Variants in DCST1 observed in about 807,000 individuals in gnomAD.
The protein encoded by DCST1 is DC-STAMP domain containing 1.
A neutral mutation model predicts 89.1 loss-of-function variants in DCST1; 78 were observed. The ratio of observed to expected loss-of-function variants is 0.88; its 90% CI spans 0.73 to 1.06. DCST1 has a LOEUF of 1.06. Ranked by LOEUF, DCST1 falls within the 50% of genes least tolerant of loss-of-function variation. The pLI is 0.00. For synonymous variants in DCST1, 364 were observed against 371.9 expected, an observed-to-expected ratio of 0.98 and a Z score of 0.24; for missense variants, 900 against 928.6, an observed-to-expected ratio of 0.97 and a Z score of 0.40.
chr1:155,033,838 G>C lies in DCST1; in HGVS notation c.-82G>C. On this transcript the variant is annotated 5_prime_UTR_variant, in exon 1 of 17. Transcript: ENST00000295542. ...TTGGAATCCTTGACCCAGTTCCGAGGACTGGAGAGGGGATAGGTAGGTCTC... is the reference window on the plus strand; with the variant it reads ...TTGGAATCCTTGACCCAGTTCCGAGCACTGGAGAGGGGATAGGTAGGTCTC... The C allele has an allele frequency of 2.2e-6, 3 of 1,361,284 alleles. No homozygotes were observed. Among genetic ancestry groups the C allele is most frequent in the Non-Finnish European group, 3.0e-6 (3 of 998,744 alleles). The allele number at this position is 1,361,284 out of a possible 1,614,324, so 84.3% of individuals were successfully genotyped here. A position where few individuals can be genotyped will look rare whatever the true frequency, so the allele number is the denominator to read the frequency against.
intron 15 of DCST1, 24 bp from the exon 16 acceptor site, chr1:155,048,033 C>G (rs1027271081): frequency 4.3e-6 from 7 of 1,613,528 alleles, no homozygotes; most frequent in Admixed American, 3.3e-5. Flanking sequence ...CTTTCTCTAT[C>G]ATTGACCCCC....
chr1:155,035,912 A>T (rs1328896892), intron 4 of DCST1, among the ~76,000 whole-genome samples: 1 of 152,064 alleles, frequency 6.6e-6, no homozygotes, highest in East Asian at 1.9e-4. Context: ...CCTGGGTGAC[A>T]AGAGCGAAAG....
Position 155,049,476 on chromosome 1 carries a change from G to A in DCST1, c.1870-1141G>A, listed in dbSNP as rs568406123. On this transcript the variant is annotated intron_variant, in intron 16 of 16. Coordinates refer to ENST00000295542, the MANE Select transcript of DCST1 (RefSeq NM_152494.4). The stretch of plus-strand genomic sequence containing the variant: ...GTCGCCCAGGCTGGAGTGCAGTGGC[G>A]TGATCTTGGCTCACTGCAACCTCCA... Among the ~76,000 whole-genome samples, 30 of 151,040 alleles carry A rather than the reference G, an allele frequency of 2.0e-4. 1 individual carries two copies. The South Asian group carries it at 3.5e-3, about 18-fold the overall frequency.
In DCST1 at chr1:155,034,703, A is replaced by G. The variant is rs768377572; in HGVS notation, c.238A>G (p.Ile80Val). The G allele has an allele frequency of 2.2e-5, 36 of 1,614,022 alleles. No homozygotes were observed. In the South Asian group the frequency reaches 4.0e-4, roughly 18 times the overall value. Residue 80 changes from isoleucine to valine, a missense_variant, in exon 4 of 17, where the codon ATT (isoleucine) becomes GTT (valine). Ile to Val is a conservative substitution (Grantham distance 29, BLOSUM62 3). Coordinates refer to ENST00000295542, the MANE Select transcript of DCST1 (RefSeq NM_152494.4). ...NPMNIYEEQK[I>V]MFLYSLVGLG... ...CATGAACATCTACGAAGAACAGAAGATTATGTTCTTGTACAGCTTGGTGGG... is the reference window on the plus strand; with the variant it reads ...CATGAACATCTACGAAGAACAGAAGGTTATGTTCTTGTACAGCTTGGTGGG...
chr1:155,043,430 CG>C lies in DCST1; in HGVS notation c.1094del (p.Arg365ProfsTer89). On this transcript the variant is annotated frameshift_variant, in exon 10 of 17. Transcript: ENST00000295542. LOFTEE classifies it high-confidence loss of function. Reference protein sequence around the residue: ...VSTEVRDYVYRQEARLEWALG... With the variant: ...VSTEVRDYVYXQEARLEWALG... ...CACCGAGGTGCGGGACTACGTGTAC[CG>C]CCAGGAGGCCCGGCTGGAGTGGGCC... is the stretch of plus-strand genomic sequence containing the variant. 2 of 1,613,496 alleles carry C rather than the reference CG, an allele frequency of 1.2e-6. No individual in the cohort carries two copies. Among genetic ancestry groups the C allele is most frequent in the Non-Finnish European group, 1.7e-6 (2 of 1,179,778 alleles).
intron 10 of DCST1, 91 bp from the exon 11 acceptor site, chr1:155,045,802 T>C (rs1474736100): frequency 8.2e-6 from 9 of 1,103,034 alleles, no homozygotes; most frequent in African/African-American, 4.6e-5. Flanking sequence ...GGCTGGTTGG[T>C]TGAATGACTG....
intron 9 of DCST1, 83 bp downstream of exon 9, chr1:155,042,939 A>T (rs548471445): frequency 6.6e-7 from 1 of 1,526,590 alleles, no homozygotes; most frequent in African/African-American, 1.4e-5. Context: ...AGGAAGGACA[A>T]GTGAGAGGGC....
At chr1:155,040,668 G>A (rs1224182366) in intron 6 of DCST1, 44 bp downstream of exon 6, 2 of 1,513,700 alleles carry the variant, frequency 1.3e-6, no homozygotes, top group Admixed American at 4.3e-5. Flanking sequence ...CCCTCTCCCT[G>A]GGGCCAAGTT....
intron 4 of DCST1, among the ~76,000 whole-genome samples, chr1:155,035,687 TG>T (rs1171055925): frequency 6.6e-6 from 1 of 152,078 alleles, no homozygotes; most frequent in Admixed American, 6.6e-5. Context: ...CCCAGCACTT[TG>T]GGAGGCTGAG....
Position 155,041,543 on chromosome 1 carries a change from A to C in DCST1, c.678A>C (p.Gln226His). Residue 226 changes from glutamine to histidine, a missense_variant, in exon 7 of 17, where the codon CAA becomes CAC. Coordinates refer to ENST00000295542, the MANE Select transcript of DCST1 (RefSeq NM_152494.4). ...GETAQGREAR[Q>H]APASRLHLST... is the part of the protein sequence containing the mutation. ...CAGCCCAGGGCAGGGAGGCCCGCCA[A>C]GCCCCAGCCTCCAGACTCCACCTGT... 6.2e-7 allele frequency: 1 copy of C among 1,614,094 alleles called. No individual in the cohort carries two copies. Among genetic ancestry groups the C allele is most frequent in the Non-Finnish European group, 8.5e-7 (1 of 1,180,040 alleles).
At chr1:155,039,871 G>C (rs1428691127) in intron 5 of DCST1, among the ~76,000 whole-genome samples, 1 of 151,804 alleles carries the variant, frequency 6.6e-6, no homozygotes. Flanking sequence ...CACACCTATA[G>C]TCCCAGCTAT....
At chr1:155,034,152 C>A in intron 2 of DCST1, 55 bp downstream of exon 2, 1 of 1,606,110 alleles carries the variant, frequency 6.2e-7, no homozygotes, top group South Asian at 1.1e-5. Flanking sequence ...CATCCCATCT[C>A]TCCTCCTGGA....
chr1:155,041,513 G>A lies in DCST1; in HGVS notation c.648G>A (p.Gly216=). 6.2e-7 allele frequency: 1 copy of A among 1,614,078 alleles called. No individual in the cohort carries two copies. The highest frequency in any genetic ancestry group is 1.1e-5 in the South Asian group (1 of 91,088). The change falls in exon 7 of 17, where the codon GGG becomes GGA. Residue 216 remains glycine, a synonymous_variant. Transcript: ENST00000295542. ...GYTPEDTMDS[G]ETAQGREARQ... ...CGCCTGAGGATACCATGGACTCAGGGGAGACAGCCCAGGGCAGGGAGGCCC... is the reference window on the plus strand; with the variant it reads ...CGCCTGAGGATACCATGGACTCAGGAGAGACAGCCCAGGGCAGGGAGGCCC...
chr1:155,038,230 G>A (rs1019218971), intron 4 of DCST1, among the ~76,000 whole-genome samples: 11 of 152,252 alleles, frequency 7.2e-5, no homozygotes, highest in Admixed American at 7.2e-4. Flanking sequence ...GTCTGTGTGG[G>A]TAGACATGGT....
At chr1:155,034,191 G>A (rs1325806405) in intron 2 of DCST1, 94 bp downstream of exon 2, 51 of 1,562,016 alleles carry the variant, frequency 3.3e-5, no homozygotes, top group Non-Finnish European at 3.5e-6. Flanking sequence ...CCAACTCGGT[G>A]TCCGCGCCTC....
chr1:155,040,322 CAG>C (rs1228539654), intron 5 of DCST1, among the ~76,000 whole-genome samples, 161 bp from the exon 6 acceptor site: 3 of 141,884 alleles, frequency 2.1e-5, no homozygotes, highest in Non-Finnish European at 4.6e-5. Context: ...AAAAAAAAAA[CAG>C]TGAAAAAAAT....
At chr1:155,045,865 G>A (rs1218865961) in intron 10 of DCST1, 28 bp from the exon 11 acceptor site, 1 of 1,586,918 alleles carries the variant, frequency 6.3e-7, no homozygotes. Flanking sequence ...TGGAAGAGAT[G>A]GAGACATCCC....
chr1:155,048,878 C>A, intron 16 of DCST1: 1 of 621,264 alleles, frequency 1.6e-6, no homozygotes. Context: ...CAGGAGGAGG[C>A]AGGTGGGCTG....
Position 155,050,728 on chromosome 1 carries a change from C to T in DCST1, c.1981C>T (p.Arg661Trp), listed in dbSNP as rs1327262056. ...APETPESYVC[R>W]TLDCEAVYCW... ...CGAGACGCCCGAGTCCTACGTGTGCCGGACGCTGGACTGCGAGGCCGTGTA... is the reference window on the plus strand; with the variant it reads ...CGAGACGCCCGAGTCCTACGTGTGCTGGACGCTGGACTGCGAGGCCGTGTA... Residue 661 changes from arginine (R) to tryptophan (W), a missense_variant, in exon 17 of 17, where the codon CGG (arginine) becomes TGG (tryptophan). Physicochemically the swap from Arg to Trp is moderately radical, Grantham distance 101. Transcript: ENST00000295542. The T allele has an allele frequency of 1.2e-6, 2 of 1,609,954 alleles. No homozygotes were observed. The highest frequency in any genetic ancestry group is 2.2e-5 in the East Asian group (1 of 44,672).
Sources: gnomAD v4.1 joint callset for allele counts (sites outside exome capture counted in the v4.1 genomes callset) on GRCh38, gnomAD v4.1.1 for gene constraint, MANE v1.5 for transcripts, NCBI Gene and HGNC (gene_info 2026-07-23, HGNC 2026-07-21) for gene names.